ANKS1B: variants seen among roughly 807,000 people sequenced by gnomAD.
ANKS1B encodes ankyrin repeat and sterile alpha motif domain containing 1B, also known as ankyrin repeat and sterile alpha motif domain-containing protein 1B.
A neutral mutation model predicts 148.3 loss-of-function variants in ANKS1B; 36 were observed. The ratio of observed to expected loss-of-function variants is 0.24; its 90% CI spans 0.19 to 0.32. The LOEUF (loss-of-function observed/expected upper bound fraction) is 0.32, where lower values mean the gene tolerates loss of function less well. Ranked by LOEUF, ANKS1B falls within the 10% of genes least tolerant of loss-of-function variation. ANKS1B has a pLI of 1.00. For synonymous variants in ANKS1B, 542 were observed against 560.8 expected (o/e 0.97, Z 0.47); for missense variants, 1,157 against 1,542.6 (o/e 0.75, Z 4.19).
At chr12:99,266,963 G>A (rs1166418796) in intron 12 of ANKS1B, among the ~76,000 whole-genome samples, 1 of 152,136 alleles carries the variant, frequency 6.6e-6, no homozygotes, top group Non-Finnish European at 1.5e-5. Context: ...TCTCCTCCCA[G>A]TCTGCCTTTG....
At chr12:99,327,424 T>C (rs1021711942) in intron 12 of ANKS1B, among the ~76,000 whole-genome samples, 1 of 129,604 alleles carries the variant, frequency 7.7e-6, no homozygotes, top group Non-Finnish European at 1.6e-5. Flanking sequence ...ATATATTATA[T>C]TGTCTATAAA....
At chr12:99,822,215 C>T (rs1203652306) in intron 2 of ANKS1B, among the ~76,000 whole-genome samples, 1 of 151,960 alleles carries the variant, frequency 6.6e-6, no homozygotes, top group Non-Finnish European at 1.5e-5. Flanking sequence ...ATGAAGAAGA[C>T]CCTTGAGTCA....
At chr12:99,492,518 T>C (rs369589195) in intron 10 of ANKS1B, among the ~76,000 whole-genome samples, 1 of 152,070 alleles carries the variant, frequency 6.6e-6, no homozygotes, top group East Asian at 1.9e-4. Flanking sequence ...TTTCAAAAAA[T>C]TGATAAGGGA....
intron 9 of ANKS1B, among the ~76,000 whole-genome samples, chr12:99,510,933 T>A (rs1283318631): frequency 6.6e-6 from 1 of 152,034 alleles, no homozygotes; most frequent in African/African-American, 2.4e-5. Context: ...GCTGAGATGA[T>A]GGGGCTTTCT....
intron 17 of ANKS1B, among the ~76,000 whole-genome samples, chr12:99,040,288 G>A (rs1447947147): frequency 6.6e-6 from 1 of 152,008 alleles, no homozygotes; most frequent in Non-Finnish European, 1.5e-5. Flanking sequence ...GTGTGTGTGT[G>A]TGTGTGTGTA....
intron 17 of ANKS1B, among the ~76,000 whole-genome samples, chr12:98,961,669 T>A (rs554959881): frequency 1.3e-5 from 2 of 151,998 alleles, no homozygotes; most frequent in African/African-American, 4.8e-5. Flanking sequence ...TCAAAAATAA[T>A]AACTACAGCC....
At chr12:99,604,283 A>G (rs971605051) in intron 9 of ANKS1B, among the ~76,000 whole-genome samples, 6 of 152,050 alleles carry the variant, frequency 3.9e-5, no homozygotes, top group African/African-American at 1.2e-4. Context: ...AATAACATCC[A>G]TAGATATAAC....
At chr12:99,529,370 A>T (rs2096963937) in intron 9 of ANKS1B, among the ~76,000 whole-genome samples, 1 of 152,098 alleles carries the variant, frequency 6.6e-6, no homozygotes, top group South Asian at 2.1e-4. Context: ...AGCCATCAAC[A>T]AGTTGGGCGT....
chr12:99,050,939 C>T lies in ANKS1B; in HGVS notation c.2778+2218G>A, dbSNP rs567450541. Among the ~76,000 whole-genome samples, 4 of 151,834 alleles carry T rather than the reference C, an allele frequency of 2.6e-5. No homozygotes were observed. In the South Asian group the frequency reaches 6.3e-4, roughly 24 times the overall value. ...GGTCTGATCTCCTGATGTTGTGATC[C>T]GCCCGCCTCGACCTCCCAAAGTGCT... On this transcript the variant is annotated intron_variant, in intron 17 of 26. Coordinates refer to ENST00000683438, the MANE Select transcript of ANKS1B (RefSeq NM_001352186.2).
At chr12:99,251,440 A>G (rs1296690327) in intron 12 of ANKS1B, among the ~76,000 whole-genome samples, 41 of 152,208 alleles carry the variant, frequency 2.7e-4, no homozygotes. Context: ...CCCTTTCTTC[A>G]GACAAAACGG....
chr12:99,629,390 G>GA (rs1176038544), intron 9 of ANKS1B, among the ~76,000 whole-genome samples: 1 of 152,024 alleles, frequency 6.6e-6, no homozygotes, highest in Non-Finnish European at 1.5e-5. Context: ...TTTTCCTGTG[G>GA]AAAAAAATGT....
At chr12:98,963,392 G>T (rs192398703) in intron 17 of ANKS1B, among the ~76,000 whole-genome samples, 6 of 152,140 alleles carry the variant, frequency 3.9e-5, no homozygotes, top group African/African-American at 1.2e-4. Flanking sequence ...AGGCTAGGCT[G>T]GTCCCAAACT....
At chr12:99,394,235 G>T (rs986813494) in intron 12 of ANKS1B, among the ~76,000 whole-genome samples, 4 of 152,086 alleles carry the variant, frequency 2.6e-5, no homozygotes, top group Non-Finnish European at 5.9e-5. Context: ...AAAACTATCA[G>T]AACAGATCTT....
intron 9 of ANKS1B, among the ~76,000 whole-genome samples, chr12:99,537,546 C>T (rs1055007889): frequency 3.3e-5 from 5 of 152,032 alleles, no homozygotes; most frequent in African/African-American, 9.7e-5. Context: ...GCCTGTTTTC[C>T]AGTTGTGTAT....
intron 17 of ANKS1B, among the ~76,000 whole-genome samples, chr12:98,866,094 C>T (rs2099623255): frequency 6.6e-6 from 1 of 152,124 alleles, no homozygotes; most frequent in South Asian, 2.1e-4. Flanking sequence ...AATACCATCA[C>T]TTTAGGAGTT....
At chr12:99,368,763 C>T (rs948250933) in intron 12 of ANKS1B, among the ~76,000 whole-genome samples, 10 of 152,010 alleles carry the variant, frequency 6.6e-5, no homozygotes, top group Non-Finnish European at 1.3e-4. Context: ...AGACACACGA[C>T]TATCAAAGCT....
rs149136050 is a variant in ANKS1B at position 99,789,782 on chromosome 12, C to T, written c.670-7685G>A. On this transcript the variant is annotated intron_variant, in intron 4 of 26. Coordinates refer to ENST00000683438, the MANE Select transcript of ANKS1B (RefSeq NM_001352186.2). ...GAGTCTACAGCCATACCGCCCCAAA[C>T]GCACCCAATCTCATCTGAAAACACA... Among the ~76,000 whole-genome samples, 4 of 152,094 alleles carry T rather than the reference C, an allele frequency of 2.6e-5. No individual in the cohort carries two copies. In the East Asian group the frequency reaches 7.7e-4, roughly 29 times the overall value.
intron 15 of ANKS1B, among the ~76,000 whole-genome samples, chr12:99,133,208 C>T (rs529423118): frequency 1.1e-3 from 162 of 151,972 alleles, no homozygotes; most frequent in Non-Finnish European, 1.8e-3. Flanking sequence ...CATGCCACCA[C>T]GCCCAGCTAT....
At chr12:99,851,864 C>G (rs1049299418) in intron 1 of ANKS1B, among the ~76,000 whole-genome samples, 1 of 152,124 alleles carries the variant, frequency 6.6e-6, no homozygotes, top group African/African-American at 2.4e-5. Context: ...TATTCAGAAC[C>G]CTTCAGAGAT....
Sources: gnomAD v4.1 joint callset for allele counts (sites outside exome capture counted in the v4.1 genomes callset) on GRCh38, gnomAD v4.1.1 for gene constraint, MANE v1.5 for transcripts, NCBI Gene and HGNC (gene_info 2026-07-23, HGNC 2026-07-21) for gene names.